The following AAK1 variants were observed in gnomAD, a reference collection of about 807,000 sequenced individuals.
AAK1 encodes the protein AP2 associated kinase 1, also known as AP2-associated protein kinase 1.
A neutral mutation model predicts 116.0 loss-of-function variants in AAK1; 37 were observed. The ratio of observed to expected loss-of-function variants is 0.32; its 90% confidence interval spans 0.25 to 0.42. The LOEUF (loss-of-function observed/expected upper bound fraction) is 0.42. AAK1 is among the 10% of genes least tolerant of loss of function. The pLI is 1.00. For synonymous variants in AAK1, 458 were observed against 439.9 expected (o/e 1.04, Z -0.51); for missense variants, 919 against 1,170.6 (o/e 0.79, Z 3.14).
At chr2:69,598,995 T>C (rs1673431802) in intron 2 of AAK1, 3 of 370,794 alleles carry the variant, frequency 8.1e-6, no homozygotes, top group Non-Finnish European at 1.6e-5. Flanking sequence ...ACATGACACT[T>C]TGTGGAAAGT....
At chr2:69,550,937 T>C (rs1671156578) in intron 3 of AAK1, among the ~76,000 whole-genome samples, 1 of 152,156 alleles carries the variant, frequency 6.6e-6, no homozygotes. Context: ...TTAAAGTGTG[T>C]AATATATTAA....
intron 16 of AAK1, among the ~76,000 whole-genome samples, chr2:69,503,998 TA>T (rs11461187): frequency 0.13 from 17,914 of 135,888 alleles, 2,381 homozygotes; most frequent in African/African-American, 0.35. Flanking sequence ...AAATTCCGTC[TA>T]AAAAAAAAAA....
intron 3 of AAK1, among the ~76,000 whole-genome samples, chr2:69,545,071 T>C (rs1346302484): frequency 2.0e-5 from 3 of 151,816 alleles, no homozygotes; most frequent in Non-Finnish European, 4.4e-5. Context: ...GGGACTACAA[T>C]AGCATCCAGA....
Position 69,465,854 on chromosome 2 carries a change from G to C in AAK1, c.*10015C>G. The C allele has an allele frequency of 7.7e-7, 1 of 1,290,898 alleles. No individual in the cohort carries two copies. Among genetic ancestry groups the C allele is most frequent in the Non-Finnish European group, 1.0e-6 (1 of 988,880 alleles). 80.0% of individuals were successfully genotyped at this position (1,290,898 alleles called of 1,614,324 possible). A position where few individuals can be genotyped will look rare whatever the true frequency, so the allele number is the denominator to read the frequency against. ...TGGAATACTGAGCTTGGACAGAGGT[G>C]TACACAGCTCTCTCACGGCCCGCGG... On this transcript the variant is annotated 3_prime_UTR_variant, in exon 22 of 22. Transcript: ENST00000409085.
In AAK1 at chr2:69,581,302, T is replaced by C. The variant is rs192170428; in HGVS notation, c.164-24324A>G. Among the ~76,000 whole-genome samples the C allele has an allele frequency of 2.0e-5, 3 of 152,238 alleles. No individual in the cohort carries two copies. The East Asian group carries it at 5.8e-4, about 29-fold the overall frequency. On this transcript the variant is annotated intron_variant, in intron 2 of 21. Coordinates refer to ENST00000409085, the MANE Select transcript of AAK1 (RefSeq NM_014911.5). ...CTAATTTTTGTATTTTCAGTAGAGA[T>C]GGGGTTTCACCACGTTGGCTCCTGA...
At chr2:69,557,292 T>G (rs1671423700) in intron 2 of AAK1, among the ~76,000 whole-genome samples, 1 of 150,276 alleles carries the variant, frequency 6.7e-6, no homozygotes, top group Non-Finnish European at 1.5e-5. Context: ...ACAAGTACTA[T>G]CCTATGTACT....
Position 69,485,590 on chromosome 2 carries a change from G to C in AAK1, c.2366-2778C>G, listed in dbSNP as rs539965501. ...CCCAGTTCTTGGTTTCCCCTCAGAT[G>C]CCCTGCCACATCTATGCCTTTTGGC... On this transcript the variant is annotated intron_variant, in intron 17 of 21. Coordinates refer to ENST00000409085, the MANE Select transcript of AAK1 (RefSeq NM_014911.5). Among the ~76,000 whole-genome samples the C allele has an allele frequency of 9.9e-5, 15 of 152,106 alleles. No homozygotes were observed. In the South Asian group the frequency reaches 2.3e-3, roughly 23 times the overall value.
intron 2 of AAK1, among the ~76,000 whole-genome samples, chr2:69,581,377 T>C (rs1484729631): frequency 6.6e-6 from 1 of 152,120 alleles, no homozygotes; most frequent in African/African-American, 2.4e-5. Flanking sequence ...ATTACAGGAG[T>C]GAGCCACTGC....
rs376587561 is a variant in AAK1 at position 69,530,029 on chromosome 2, G to C, written c.850C>G (p.Gln284Glu). The C allele has an allele frequency of 6.3e-7, 1 of 1,596,578 alleles. No homozygotes were observed. Among genetic ancestry groups the C allele is most frequent in the Non-Finnish European group, 8.5e-7 (1 of 1,171,664 alleles). Residue 284 changes from glutamine (Q) to glutamate (E), a missense_variant, in exon 8 of 22, where the codon CAA (glutamine) becomes GAA (glutamate). By Grantham distance (29) the Gln-to-Glu change is conservative (BLOSUM62 2). Around this residue, in one of 4 missense-constraint regions of AAK1, gnomAD observed 317 missense variants for 490.4 expected, o/e 0.65. Transcript: ENST00000409085. The stretch of plus-strand genomic sequence containing the variant: ...TTACTAATTAGGCAGTGCATGTCTT[G>C]AGAATATCGAGAATTATCAGGAATT... ...FTIPDNSRYS[Q>E]DMHCLIRYML...
At chr2:69,548,758 C>T (rs933605692) in intron 3 of AAK1, among the ~76,000 whole-genome samples, 3 of 152,058 alleles carry the variant, frequency 2.0e-5, no homozygotes, top group African/African-American at 7.2e-5. Context: ...GCATGCACCA[C>T]CACACCCAGC....
In AAK1 at chr2:69,478,944, C is replaced by G; in HGVS notation, c.2680+7G>C. On this transcript the variant is annotated splice_region_variant and intron_variant, in intron 20 of 21. Coordinates refer to ENST00000409085, the MANE Select transcript of AAK1 (RefSeq NM_014911.5). ...ACATGTGGGCCTGAGAAGAAGAAAG[C>G]ATTTACCTTTATGGACTGGAGCAGA... The G allele has an allele frequency of 6.2e-7, 1 of 1,600,254 alleles. No homozygotes were observed. Among genetic ancestry groups the G allele is most frequent in the South Asian group, 1.1e-5 (1 of 90,774 alleles).
chr2:69,541,454 A>G (rs1670719802), intron 5 of AAK1, among the ~76,000 whole-genome samples: 1 of 151,746 alleles, frequency 6.6e-6, no homozygotes, highest in Non-Finnish European at 1.5e-5. Flanking sequence ...CTGGTCTCAT[A>G]CTCCTGATCT....
At position 69,464,952 on chromosome 2, in the gene AAK1, T is replaced by C. The variant is rs1017072543; in HGVS notation, c.*10917A>G. 6.4e-6 allele frequency: 1 copy of C among 155,186 alleles called. No individual in the cohort carries two copies. Among genetic ancestry groups the C allele is most frequent in the Admixed American group, 6.3e-5 (1 of 15,768 alleles). The allele number at this position is 155,186 out of a possible 1,614,324, so 9.6% of individuals were successfully genotyped here. A position where few individuals can be genotyped will look rare whatever the true frequency, so the allele number is the denominator to read the frequency against. ...TTTATCTTGCTCTTCTTTCCAGACATCTCCCCTTTTCAAGAGTACTAAATC... is the reference window on the plus strand; with the variant it reads ...TTTATCTTGCTCTTCTTTCCAGACACCTCCCCTTTTCAAGAGTACTAAATC... On this transcript the variant is annotated 3_prime_UTR_variant, in exon 22 of 22. Coordinates refer to ENST00000409085, the MANE Select transcript of AAK1 (RefSeq NM_014911.5).
At position 69,466,949 on chromosome 2, in the gene AAK1, ACTGT is replaced by A; in HGVS notation, c.*8916_*8919del. 5 of 985,284 alleles carry A rather than the reference ACTGT, an allele frequency of 5.1e-6. No individual in the cohort carries two copies. In the South Asian group the frequency reaches 2.3e-4, roughly 46 times the overall value. 61.0% of individuals were successfully genotyped at this position (985,284 alleles called of 1,614,324 possible). On this transcript the variant is annotated 3_prime_UTR_variant, in exon 22 of 22. Transcript: ENST00000409085. ...TGACAGTTTTGGATTATGTAGAAACACTGTCTGGGGATGACTCAATTCAGAATCT... is the reference window on the plus strand; with the variant it reads ...TGACAGTTTTGGATTATGTAGAAACACTGGGGATGACTCAATTCAGAATCT...
chr2:69,467,661 A>C lies in AAK1; in HGVS notation c.*8208T>G. ...CAGAACCTCTGTAGAGATGGAACTC[A>C]ATGATCCCCTTCCCATACTGACCCT... On this transcript the variant is annotated 3_prime_UTR_variant, in exon 22 of 22. Transcript: ENST00000409085. 5 of 985,364 alleles carry C rather than the reference A, an allele frequency of 5.1e-6. No homozygotes were observed. Among genetic ancestry groups the C allele is most frequent in the Non-Finnish European group, 4.8e-6 (4 of 829,878 alleles). The allele number at this position is 985,364 out of a possible 1,614,324, so 61.0% of individuals were successfully genotyped here. A position where few individuals can be genotyped will look rare whatever the true frequency, so the allele number is the denominator to read the frequency against.
In AAK1 at chr2:69,514,618, T is replaced by C. The variant is rs1676511234; in HGVS notation, c.1629A>G (p.Gln543=). Residue 543 remains glutamine (Q), a synonymous_variant, in exon 13 of 22, where the codon CAA becomes CAG. Coordinates refer to ENST00000409085, the MANE Select transcript of AAK1 (RefSeq NM_014911.5). ...QQQQQQQQQQ[Q]QQQLATALHQ... The stretch of plus-strand genomic sequence containing the variant: ...GCAGGGCTGTGGCCAGCTGTTGCTG[T>C]TGCTGTTGTTGTTGCTGCTGCTGCT... 6.3e-7 allele frequency: 1 copy of C among 1,578,756 alleles called. No homozygotes were observed. Among genetic ancestry groups the C allele is most frequent in the Non-Finnish European group, 8.6e-7 (1 of 1,162,200 alleles).
chr2:69,567,675 T>A lies in AAK1; in HGVS notation c.164-10697A>T, dbSNP rs555250706. 9.9e-5 allele frequency among the ~76,000 whole-genome samples: 15 copies of A among 152,162 alleles called. No individual in the cohort carries two copies. In the South Asian group the frequency reaches 3.1e-3, roughly 32 times the overall value. ...AGAAGGGACATATATTAAGAGAACA[T>A]CCTCTTGGTGAAAAGGTAGAAAAAC... is the stretch of plus-strand genomic sequence containing the variant. On this transcript the variant is annotated intron_variant, in intron 2 of 21. Coordinates refer to ENST00000409085, the MANE Select transcript of AAK1 (RefSeq NM_014911.5).
At position 69,463,636 on chromosome 2, in the gene AAK1, T is replaced by C; in HGVS notation, c.*12233A>G. The C allele has an allele frequency of 6.6e-6, 1 of 152,354 alleles. No homozygotes were observed. The highest frequency in any genetic ancestry group is 1.5e-5 in the Non-Finnish European group (1 of 68,162). The allele number at this position is 152,354 out of a possible 1,614,324, so 9.4% of individuals were successfully genotyped here. On this transcript the variant is annotated 3_prime_UTR_variant, in exon 22 of 22. Transcript: ENST00000409085. ...AAGCGATTCTCCTGCCTCAGCCTCC[T>C]GAGTAGCTGGGACTACAGGTGTGCA...
chr2:69,561,871 C>T (rs993728657), intron 2 of AAK1, among the ~76,000 whole-genome samples: 6 of 152,176 alleles, frequency 3.9e-5, no homozygotes, highest in African/African-American at 9.7e-5. Flanking sequence ...GCTTCTTTCA[C>T]GCAGCATAAC....
Sources: gnomAD v4.1 joint callset for allele counts (sites outside exome capture counted in the v4.1 genomes callset) on GRCh38, gnomAD v4.1.1 for gene constraint, gnomAD v4.1.1 regional missense constraint, MANE v1.5 for transcripts, NCBI Gene and HGNC (gene_info 2026-07-23, HGNC 2026-07-21) for gene names.